Variants in SULT1C2 observed in about 807,000 individuals in gnomAD.
SULT1C2 encodes sulfotransferase 1C2.
SULT1C2 carries 27 observed loss-of-function variants against 36.0 expected under a neutral mutation model. That is an observed-to-expected ratio of 0.75 (90% CI 0.55 to 1.03). The LOEUF is 1.03. Ranked by LOEUF, SULT1C2 falls within the 50% of genes least tolerant of loss-of-function variation. The pLI is 0.00. For synonymous variants in SULT1C2, 121 were observed against 116.0 expected, an observed-to-expected ratio of 1.04 and a Z score of -0.27; for missense variants, 395 against 359.2, an observed-to-expected ratio of 1.10 and a Z score of -0.80.
In SULT1C2 at chr2:108,293,688, G is replaced by A. The variant is rs1676652324; in HGVS notation, c.21G>A (p.Leu7=). Residue 7 remains leucine (L), a synonymous_variant, in exon 2 of 8, where the codon CTG becomes CTA. Coordinates refer to ENST00000251481, the MANE Select transcript of SULT1C2 (RefSeq NM_001056.4). Reference sequence around the variant, plus strand: ...ACACTATGGCCCTGACCTCAGACCTGGGGAAACAGATAAAACTGAAAGAGG... The same window carrying A: ...ACACTATGGCCCTGACCTCAGACCTAGGGAAACAGATAAAACTGAAAGAGG... MALTSD[L]GKQIKLKEVE... 1 of 1,613,840 alleles carries A rather than the reference G, an allele frequency of 6.2e-7. No homozygotes were observed. The highest frequency in any genetic ancestry group is 1.3e-5 in the African/African-American group (1 of 74,876).
In SULT1C2 at chr2:108,307,984, C is replaced by T. The variant is rs79811736; in HGVS notation, c.779-368C>T. On this transcript the variant is annotated intron_variant, in intron 7 of 7. Coordinates refer to ENST00000251481, the MANE Select transcript of SULT1C2 (RefSeq NM_001056.4). ...TCACAGTATTTACTTTCCTGTGTCT[C>T]GTGTCTTTTGCTCAACATAATGTTT... 6.6e-5 allele frequency among the ~76,000 whole-genome samples: 10 copies of T among 152,244 alleles called. 1 individual carries two copies. In the South Asian group the frequency reaches 8.3e-4, roughly 13 times the overall value.
intron 3 of SULT1C2, among the ~76,000 whole-genome samples, chr2:108,297,207 G>C (rs1236043030): frequency 6.6e-6 from 1 of 152,138 alleles, no homozygotes; most frequent in Non-Finnish European, 1.5e-5. Flanking sequence ...TTGTCCCATG[G>C]AAGAAACCAA....
In SULT1C2 at chr2:108,309,270, A is replaced by G. The variant is rs1363206101; in HGVS notation, c.*806A>G. On this transcript the variant is annotated 3_prime_UTR_variant, in exon 8 of 8. Transcript: ENST00000251481. ...GAGGTGTTCTTTTCCCTTGCTTCCC[A>G]TATTTGTCCCAGTTGCAGCCCTGTT... 3 of 152,164 alleles carry G rather than the reference A, an allele frequency of 2.0e-5. No individual in the cohort carries two copies. 9.4% of individuals were successfully genotyped at this position (152,164 alleles called of 1,614,324 possible). A position where few individuals can be genotyped will look rare whatever the true frequency, so the allele number is the denominator to read the frequency against.
intron 1 of SULT1C2, among the ~76,000 whole-genome samples, chr2:108,289,365 C>T (rs1476974501): frequency 6.6e-6 from 1 of 152,158 alleles, no homozygotes; most frequent in Non-Finnish European, 1.5e-5. Flanking sequence ...CCTCCAGGGC[C>T]AGCTCAACTT....
intron 3 of SULT1C2, among the ~76,000 whole-genome samples, chr2:108,295,455 T>C (rs1304531658): frequency 6.6e-6 from 1 of 152,230 alleles, no homozygotes; most frequent in East Asian, 1.9e-4. Context: ...GTGTGTCTGG[T>C]CTTCTGCTCC....
chr2:108,305,259 T>C lies in SULT1C2; in HGVS notation c.590T>C (p.Ile197Thr), dbSNP rs746672401. Residue 197 changes from isoleucine to threonine, a missense_variant, in exon 6 of 8, where the codon ATA becomes ACA. Coordinates refer to ENST00000251481, the MANE Select transcript of SULT1C2 (RefSeq NM_001056.4). ...ATTCTCTTCCTCTTCTATGAGGACA[T>C]AAAGAGGGTGAGTGAAGGCTCTGCA... ...HQILFLFYED[I>T]KRDPKHEIRK... is the part of the protein sequence containing the mutation. 7 of 1,614,024 alleles carry C rather than the reference T, an allele frequency of 4.3e-6. No individual in the cohort carries two copies. The highest frequency in any genetic ancestry group is 1.7e-5 in the Admixed American group (1 of 60,012).
chr2:108,308,030 G>A (rs1677065344), intron 7 of SULT1C2, among the ~76,000 whole-genome samples: 1 of 152,306 alleles, frequency 6.6e-6, no homozygotes, highest in East Asian at 1.9e-4. Context: ...CCATGTGGTT[G>A]TGTGTCTGTA....
intron 7 of SULT1C2, among the ~76,000 whole-genome samples, chr2:108,307,913 C>T (rs191313245): frequency 6.6e-6 from 1 of 152,268 alleles, no homozygotes; most frequent in East Asian, 1.9e-4. Context: ...ATTTCTATTA[C>T]TCTAGATTGA....
intron 1 of SULT1C2, among the ~76,000 whole-genome samples, chr2:108,292,307 C>G (rs1313027849): frequency 6.6e-6 from 1 of 151,498 alleles, no homozygotes; most frequent in Non-Finnish European, 1.5e-5. Context: ...ACCCCAGTAG[C>G]CAGTTATCCT....
chr2:108,308,279 C>A, intron 7 of SULT1C2, 73 bp from the exon 8 acceptor site: 1 of 1,410,492 alleles, frequency 7.1e-7, no homozygotes, highest in Non-Finnish European at 9.7e-7. Context: ...AGTATGGGCA[C>A]TACACCACTT....
At chr2:108,295,066 T>C (rs77855374) in intron 3 of SULT1C2, among the ~76,000 whole-genome samples, 1,945 of 152,304 alleles carry the variant, frequency 0.013, 54 homozygotes, top group African/African-American at 0.042. Flanking sequence ...ATGTAGTTAA[T>C]GCAGCTCTAG....
chr2:108,293,849 C>A (rs368112265), intron 2 of SULT1C2, 31 bp downstream of exon 2: 429 of 1,601,216 alleles, frequency 2.7e-4, no homozygotes, highest in Non-Finnish European at 3.6e-4. Context: ...ACAGCAAAGA[C>A]CTGCTGAGCC....
chr2:108,308,198 A>G (rs1677068992), intron 7 of SULT1C2, among the ~76,000 whole-genome samples, 154 bp from the exon 8 acceptor site: 1 of 152,126 alleles, frequency 6.6e-6, no homozygotes, highest in Admixed American at 6.5e-5. Flanking sequence ...TTCTTATAGG[A>G]GAGCTGCTCA....
intron 7 of SULT1C2, 73 bp from the exon 8 acceptor site, chr2:108,308,279 C>T: frequency 7.1e-7 from 1 of 1,410,492 alleles, no homozygotes; most frequent in Non-Finnish European, 9.7e-7. Flanking sequence ...AGTATGGGCA[C>T]TACACCACTT....
At position 108,308,535 on chromosome 2, in the gene SULT1C2, C is replaced by T. The variant is rs1677078399; in HGVS notation, c.*71C>T. The stretch of plus-strand genomic sequence containing the variant: ...ACTATCTTCAATCCTTCAGTCCCAG[C>T]CAGAAGAATCTCTGAAAGCATATTG... On this transcript the variant is annotated 3_prime_UTR_variant, in exon 8 of 8. Transcript: ENST00000251481. The T allele has an allele frequency of 1.6e-6, 2 of 1,247,864 alleles. No individual in the cohort carries two copies. The highest frequency in any genetic ancestry group is 2.9e-5 in the South Asian group (2 of 67,900). 77.3% of individuals were successfully genotyped at this position (1,247,864 alleles called of 1,614,324 possible). A position where few individuals can be genotyped will look rare whatever the true frequency, so the allele number is the denominator to read the frequency against.
intron 3 of SULT1C2, among the ~76,000 whole-genome samples, chr2:108,297,764 C>T (rs1208539576): frequency 6.6e-6 from 1 of 152,150 alleles, no homozygotes; most frequent in Non-Finnish European, 1.5e-5. Flanking sequence ...CACTGGTCAA[C>T]TGCTTTATGT....
chr2:108,303,056 C>T (rs995553580), intron 4 of SULT1C2: 6 of 152,174 alleles, frequency 3.9e-5, no homozygotes, highest in Non-Finnish European at 5.9e-5. Context: ...TTTTTTAAAT[C>T]AGCATTTCTT....
chr2:108,306,804 G>A (rs1326914257), intron 7 of SULT1C2, among the ~76,000 whole-genome samples: 1 of 151,896 alleles, frequency 6.6e-6, no homozygotes, highest in Non-Finnish European at 1.5e-5. Context: ...TATTCGGGAG[G>A]CTCATGCAGG....
intron 3 of SULT1C2, among the ~76,000 whole-genome samples, chr2:108,297,702 C>T (rs914928745): frequency 6.6e-6 from 1 of 151,888 alleles, no homozygotes; most frequent in Admixed American, 6.6e-5. Context: ...AGAGGTGGGG[C>T]GAGGGTGTGG....
Sources: allele counts gnomAD v4.1 joint callset (sites outside exome capture counted in the v4.1 genomes callset), GRCh38; gene constraint gnomAD v4.1.1; transcripts MANE v1.5; gene names NCBI Gene and HGNC (gene_info 2026-07-23, HGNC 2026-07-21).